EXT1: variants seen among roughly 807,000 people sequenced by gnomAD.
EXT1 encodes exostosin glycosyltransferase 1, also known as exostosin-1.
Under a neutral mutation model 82.5 loss-of-function variants are expected in EXT1, and 20 were observed. The observed-to-expected ratio is 0.24, with a 90% CI of 0.17 to 0.35. EXT1 has a LOEUF of 0.35. Among genes scored for constraint, EXT1 ranks in the 10% least tolerant of loss-of-function variants. The probability of loss-of-function intolerance (pLI) is 1.00; values close to 1 mark genes in which losing one functional copy is unlikely to be tolerated. For synonymous variants in EXT1, 348 were observed against 350.8 expected (o/e 0.99, Z 0.09); for missense variants, 757 against 936.5 (o/e 0.81, Z 2.50).
chr8:118,066,863 T>C (rs1171776682), intron 1 of EXT1, among the ~76,000 whole-genome samples: 1 of 152,178 alleles, frequency 6.6e-6, no homozygotes, highest in Non-Finnish European at 1.5e-5. Context: ...AAGGACCAAC[T>C]GTACTTGTAG....
chr8:117,899,896 G>C (rs1039146404), intron 1 of EXT1, among the ~76,000 whole-genome samples: 1 of 152,202 alleles, frequency 6.6e-6, no homozygotes, highest in Non-Finnish European at 1.5e-5. Flanking sequence ...GCTCATAAGA[G>C]TGGATCTAAA....
chr8:118,053,797 A>T (rs1026221644), intron 1 of EXT1, among the ~76,000 whole-genome samples: 1 of 152,156 alleles, frequency 6.6e-6, no homozygotes, highest in African/African-American at 2.4e-5. Context: ...AATGCTCTGA[A>T]CCATGTTACT....
chr8:117,830,548 C>A (rs1261591670), intron 3 of EXT1, among the ~76,000 whole-genome samples, 199 bp from the exon 4 acceptor site: 2 of 152,194 alleles, frequency 1.3e-5, no homozygotes, highest in East Asian at 3.8e-4. Context: ...TGGGAATCCA[C>A]CCCAATGGCC....
chr8:118,077,105 A>T (rs186400416), intron 1 of EXT1, among the ~76,000 whole-genome samples: 1 of 152,368 alleles, frequency 6.6e-6, no homozygotes, highest in East Asian at 1.9e-4. Flanking sequence ...TAAACAAATG[A>T]TTCTACCAAG....
At chr8:117,831,698 A>G (rs1483969493) in intron 3 of EXT1, 2 of 470,710 alleles carry the variant, frequency 4.2e-6, no homozygotes, top group Non-Finnish European at 8.8e-6. Context: ...TTAATAGGAA[A>G]GTCACCCATG....
At chr8:117,861,464 C>T (rs1032291053) in intron 1 of EXT1, among the ~76,000 whole-genome samples, 1 of 151,054 alleles carries the variant, frequency 6.6e-6, no homozygotes, top group African/African-American at 2.4e-5. Context: ...CATGGAAATG[C>T]CATTTGCTCC....
chr8:117,903,837 C>G (rs28626687), intron 1 of EXT1, among the ~76,000 whole-genome samples: 6,647 of 152,178 alleles, frequency 0.044, 496 homozygotes, highest in African/African-American at 0.15. Context: ...ATGAATCAGG[C>G]CTTCAGCCAA....
At chr8:117,924,750 T>C (rs898187580) in intron 1 of EXT1, among the ~76,000 whole-genome samples, 12 of 152,222 alleles carry the variant, frequency 7.9e-5, no homozygotes, top group African/African-American at 2.9e-4. Flanking sequence ...AACCAAGTTT[T>C]ATAAAGATTA....
At chr8:117,955,888 C>G (rs960733827) in intron 1 of EXT1, among the ~76,000 whole-genome samples, 3 of 152,096 alleles carry the variant, frequency 2.0e-5, no homozygotes, top group African/African-American at 7.2e-5. Flanking sequence ...GTCACATTTA[C>G]CAAGAGTGTA....
At chr8:118,016,211 G>C (rs967225822) in intron 1 of EXT1, among the ~76,000 whole-genome samples, 1 of 152,162 alleles carries the variant, frequency 6.6e-6, no homozygotes, top group Non-Finnish European at 1.5e-5. Flanking sequence ...GGCCAACATG[G>C]AGAAACACCA....
chr8:118,041,138 G>T (rs758343340), intron 1 of EXT1, among the ~76,000 whole-genome samples: 3 of 152,274 alleles, frequency 2.0e-5, no homozygotes, highest in East Asian at 3.9e-4. Flanking sequence ...GATCTAGGTG[G>T]AACAGTCTAC....
intron 1 of EXT1, among the ~76,000 whole-genome samples, chr8:118,006,780 G>A (rs1028177821): frequency 6.6e-5 from 10 of 152,162 alleles, no homozygotes; most frequent in African/African-American, 2.4e-4. Flanking sequence ...CCAAGCCAGT[G>A]TCATTTAGAC....
At chr8:117,914,573 A>G (rs951786657) in intron 1 of EXT1, among the ~76,000 whole-genome samples, 10 of 152,168 alleles carry the variant, frequency 6.6e-5, no homozygotes, top group Non-Finnish European at 1.5e-4. Flanking sequence ...AGCAAGGAAT[A>G]TTAATATTAA....
At chr8:117,804,470 T>A (rs1027989514) in intron 10 of EXT1, among the ~76,000 whole-genome samples, 4 of 152,240 alleles carry the variant, frequency 2.6e-5, no homozygotes, top group Non-Finnish European at 4.4e-5. Flanking sequence ...TCTAAAGACA[T>A]ATCTTTCTCA....
chr8:117,868,596 A>T (rs1812813666), intron 1 of EXT1, among the ~76,000 whole-genome samples: 1 of 151,966 alleles, frequency 6.6e-6, no homozygotes, highest in Non-Finnish European at 1.5e-5. Context: ...GGACCTCAGT[A>T]CATGCCACCA....
At chr8:117,891,288 T>C (rs924913069) in intron 1 of EXT1, among the ~76,000 whole-genome samples, 1 of 152,214 alleles carries the variant, frequency 6.6e-6, no homozygotes, top group Non-Finnish European at 1.5e-5. Flanking sequence ...CAGTAGGGGT[T>C]TTCCTAAACA....
rs11562777 is a variant in EXT1, at chr8:117,932,449, G to A, written c.963-95248C>T. ...AATTACTGAGTCTGGGGGCAGGAAG[G>A]GAAATGCTATACCATACAACTGCTA... is the stretch of plus-strand genomic sequence containing the variant. On this transcript the variant is annotated intron_variant, in intron 1 of 10. Coordinates refer to ENST00000378204, the MANE Select transcript of EXT1 (RefSeq NM_000127.3). Among the ~76,000 whole-genome samples, 108 of 152,254 alleles carry A rather than the reference G, an allele frequency of 7.1e-4. 2 individuals are homozygous for A. In the East Asian group the frequency reaches 0.017, roughly 24 times the overall value.
chr8:117,964,987 G>A lies in EXT1; in HGVS notation c.963-127786C>T, dbSNP rs1814779787. Among the ~76,000 whole-genome samples, 5 of 152,044 alleles carry A rather than the reference G, an allele frequency of 3.3e-5. No homozygotes were observed. The South Asian group carries it at 1.0e-3, about 32-fold the overall frequency. On this transcript the variant is annotated intron_variant, in intron 1 of 10. Coordinates refer to ENST00000378204, the MANE Select transcript of EXT1 (RefSeq NM_000127.3). Reference sequence around the variant, plus strand: ...TATAAGTTCAGGTGCCTAGAAGGATGTCTCCTGACACACAGTAGGCATTCA... The same window carrying A: ...TATAAGTTCAGGTGCCTAGAAGGATATCTCCTGACACACAGTAGGCATTCA...
chr8:118,095,223 G>T (rs1268440575), intron 1 of EXT1, among the ~76,000 whole-genome samples: 1 of 152,040 alleles, frequency 6.6e-6, no homozygotes, highest in Non-Finnish European at 1.5e-5. Context: ...TAATCCTTTT[G>T]CCCTCTGTTA....
Sources: allele counts gnomAD v4.1 joint callset (sites outside exome capture counted in the v4.1 genomes callset), GRCh38; gene constraint gnomAD v4.1.1; transcripts MANE v1.5; gene names NCBI Gene and HGNC (gene_info 2026-07-23, HGNC 2026-07-21).